ARSG: variants seen among roughly 807,000 people sequenced by gnomAD.
ARSG encodes ASG.
In ARSG, 37 loss-of-function variants were observed where a neutral mutation model predicts 50.5. The ratio of observed to expected loss-of-function variants is 0.73; its 90% CI spans 0.56 to 0.96. ARSG has a LOEUF of 0.96. Among genes scored for constraint, ARSG ranks in the 50% least tolerant of loss-of-function variants. ARSG has a pLI of 0.00. For missense variants in ARSG, 629 were observed against 675.3 expected (o/e 0.93, Z 0.76); for synonymous variants, 225 against 254.6 (o/e 0.88, Z 1.11).
chr17:68,305,873 C>G (rs1459241825), intron 1 of ARSG, among the ~76,000 whole-genome samples: 1 of 151,988 alleles, frequency 6.6e-6, no homozygotes, highest in Admixed American at 6.6e-5. Context: ...GTCAGGAGTT[C>G]GAGACCAGCC....
chr17:68,291,755 G>A (rs868981761), intron 1 of ARSG, among the ~76,000 whole-genome samples, 187 bp downstream of exon 1: 4 of 151,560 alleles, frequency 2.6e-5, no homozygotes, highest in African/African-American at 9.7e-5. Flanking sequence ...ATCCTGTCTC[G>A]GAGCACCTCG....
intron 1 of ARSG, among the ~76,000 whole-genome samples, chr17:68,293,058 A>C (rs945855562): frequency 6.6e-6 from 1 of 152,220 alleles, no homozygotes; most frequent in Admixed American, 6.5e-5. Context: ...TGCTTTACCA[A>C]GGCCAATTAA....
At position 68,307,524 on chromosome 17, in the gene ARSG, G is replaced by A. The variant is rs782542385; in HGVS notation, c.31G>A (p.Ala11Thr). The A allele has an allele frequency of 2.5e-6, 4 of 1,614,094 alleles. No homozygotes were observed. The South Asian group carries it at 4.4e-5, about 18-fold the overall frequency. The change falls in exon 2 of 12, where the codon GCG becomes ACG. Residue 11 changes from alanine to threonine, a missense_variant. Ala to Thr is a moderately conservative substitution (Grantham distance 58). Coordinates refer to ENST00000621439, the MANE Select transcript of ARSG (RefSeq NM_001267727.2). ...CTGGCTTTTTCTAAAGGTTTTGTTGGCGGGAGTGAGTTTCTCAGGATTTCT... is the reference window on the plus strand; with the variant it reads ...CTGGCTTTTTCTAAAGGTTTTGTTGACGGGAGTGAGTTTCTCAGGATTTCT... MGWLFLKVLL[A>T]GVSFSGFLYP...
chr17:68,418,780 G>C (rs890681932), intron 11 of ARSG, among the ~76,000 whole-genome samples: 2 of 152,116 alleles, frequency 1.3e-5, no homozygotes, highest in East Asian at 1.9e-4. Flanking sequence ...TGTAGGAGAA[G>C]GAGCCACTGG....
Position 68,307,717 on chromosome 17 carries a change from T to A in ARSG, c.218+6T>A. On this transcript the variant is annotated splice_donor_region_variant and intron_variant, in intron 2 of 11. Coordinates refer to ENST00000621439, the MANE Select transcript of ARSG (RefSeq NM_001267727.2). ...ATGGCTTCGGAGGGAATGAGGTGAG[T>A]CTTGAGATGCCAGGCCAGCCTTTCT... is the stretch of plus-strand genomic sequence containing the variant. The A allele has an allele frequency of 1.4e-6, 2 of 1,449,980 alleles. No individual in the cohort carries two copies. Among genetic ancestry groups the A allele is most frequent in the Non-Finnish European group, 1.9e-6 (2 of 1,031,942 alleles). 89.8% of individuals were successfully genotyped at this position (1,449,980 alleles called of 1,614,324 possible).
At chr17:68,283,419 G>C (rs1437194575) in intron 1 of ARSG, among the ~76,000 whole-genome samples, 4 of 151,998 alleles carry the variant, frequency 2.6e-5, no homozygotes, top group African/African-American at 9.7e-5. Flanking sequence ...TACTCCGGAG[G>C]CTGAGGCAGG....
At chr17:68,433,780 T>G in the ARSG span, among the ~76,000 whole-genome samples, 13 of 126,014 alleles carry the variant, frequency 1.0e-4, no homozygotes, top group African/African-American at 1.9e-4. Flanking sequence ...TTTTTTTTTT[T>G]TTTTTTTTTT....
intron 8 of ARSG, among the ~76,000 whole-genome samples, chr17:68,379,450 T>TA (rs2080321796): frequency 7.0e-6 from 1 of 143,234 alleles, no homozygotes; most frequent in African/African-American, 2.6e-5. Context: ...TTTTTTTTTT[T>TA]ACAGAGATGG....
chr17:68,324,705 G>A (rs2077434404), intron 2 of ARSG, among the ~76,000 whole-genome samples: 1 of 152,194 alleles, frequency 6.6e-6, no homozygotes, highest in African/African-American at 2.4e-5. Flanking sequence ...CTGTAGAATG[G>A]GAATTTGGAT....
intron 9 of ARSG, among the ~76,000 whole-genome samples, chr17:68,388,629 T>C (rs1222309096): frequency 6.6e-6 from 1 of 152,034 alleles, no homozygotes; most frequent in Non-Finnish European, 1.5e-5. Flanking sequence ...AACAATCTTA[T>C]TTGAAAAACA....
At chr17:68,263,460 T>C (rs2075105208) in intron 1 of ARSG, among the ~76,000 whole-genome samples, 1 of 152,264 alleles carries the variant, frequency 6.6e-6, no homozygotes, top group South Asian at 2.1e-4. Flanking sequence ...TTTTAAGTAA[T>C]GTGCATAACC....
intron 1 of ARSG, among the ~76,000 whole-genome samples, chr17:68,295,916 G>T (rs1337881921): frequency 6.6e-6 from 1 of 151,952 alleles, no homozygotes; most frequent in Non-Finnish European, 1.5e-5. Context: ...CTGGCCTCAG[G>T]TGATCCACCC....
downstream of ARSG, chr17:68,427,121 C>G (rs1308587618): frequency 1.9e-6 from 3 of 1,608,662 alleles, no homozygotes; most frequent in Non-Finnish European, 2.6e-6. Flanking sequence ...CCTGTTGGCC[C>G]CGTGTCCACC....
chr17:68,348,424 GAAGA>G (rs2078610016), intron 4 of ARSG, among the ~76,000 whole-genome samples: 1 of 152,144 alleles, frequency 6.6e-6, no homozygotes, highest in Non-Finnish European at 1.5e-5. Flanking sequence ...TGGGAAGTGG[GAAGA>G]AAGAGTACCT....
At chr17:68,328,843 A>C (rs2077609273) in intron 2 of ARSG, among the ~76,000 whole-genome samples, 1 of 150,922 alleles carries the variant, frequency 6.6e-6, no homozygotes, top group Non-Finnish European at 1.5e-5. Context: ...TTCCCACCAG[A>C]CTGGAAGAAA....
In ARSG at chr17:68,271,453, T is replaced by C; in HGVS notation, c.-552+12027T>C. ...TAGTTCTACTCCTGAGTCAATGGAG[T>C]CTATTGAGGTTCGTGTTTTCTCATT... On this transcript the variant is annotated intron_variant, in intron 1 of 11. Transcript: ENST00000448504. This position sits in a 1 kb window ranked among gnomAD's most constrained non-coding sequence, Gnocchi z 5.3. 1.2e-6 allele frequency: 2 copies of C among 1,614,016 alleles called. No homozygotes were observed. Among genetic ancestry groups the C allele is most frequent in the Non-Finnish European group, 1.7e-6 (2 of 1,180,010 alleles).
chr17:68,310,253 C>T (rs1025603275), intron 2 of ARSG, among the ~76,000 whole-genome samples: 23 of 152,176 alleles, frequency 1.5e-4, no homozygotes, highest in Non-Finnish European at 3.1e-4. Flanking sequence ...AGCCACCACA[C>T]CCAGCCCCAA....
chr17:68,333,635 AAT>A (rs2077881924), intron 2 of ARSG, among the ~76,000 whole-genome samples: 3 of 13,294 alleles, frequency 2.3e-4, no homozygotes, highest in Admixed American at 1.1e-3. Flanking sequence ...TCTCAAAAAT[AAT>A]AATAATAATA....
At chr17:68,444,619 G>T in the ARSG span, 1 of 1,582,432 alleles carries the variant, frequency 6.3e-7, no homozygotes, top group South Asian at 1.1e-5. Context: ...TCAGTCTACC[G>T]AACCGTTCCT....
Sources: allele counts gnomAD v4.1 joint callset (sites outside exome capture counted in the v4.1 genomes callset), GRCh38; gene constraint gnomAD v4.1.1; non-coding constraint Gnocchi (gnomAD v3.1); transcripts MANE v1.5; gene names NCBI Gene and HGNC (gene_info 2026-07-23, HGNC 2026-07-21).